NFAM1: variants seen among roughly 807,000 people sequenced by gnomAD.
NFAM1 encodes NFAT activating protein with ITAM motif 1.
In NFAM1, 17 loss-of-function variants were observed where a neutral mutation model predicts 29.0. The observed-to-expected ratio is 0.59, with a 90% CI of 0.40 to 0.88. NFAM1 has a LOEUF of 0.88. Among genes scored for constraint, NFAM1 ranks in the 40% least tolerant of loss-of-function variants. The probability of loss-of-function intolerance (pLI) is 0.00; values close to 1 mark genes in which losing one functional copy is unlikely to be tolerated. For missense variants in NFAM1, 324 were observed against 344.6 expected (o/e 0.94, Z 0.47); for synonymous variants, 175 against 147.2 (o/e 1.19, Z -1.36).
intron 1 of NFAM1, among the ~76,000 whole-genome samples, chr22:42,412,776 G>T (rs754848041): frequency 3.9e-5 from 6 of 152,144 alleles, no homozygotes; most frequent in Non-Finnish European, 8.8e-5. Context: ...GATTTGTCAG[G>T]TTTTTTACAG....
chr22:42,424,939 T>C (rs1165058206), intron 1 of NFAM1, among the ~76,000 whole-genome samples: 1 of 151,794 alleles, frequency 6.6e-6, no homozygotes, highest in African/African-American at 2.4e-5. Context: ...ATTTATTTTC[T>C]GAGATGGAGT....
At chr22:42,387,429 G>C (rs1171655484) in intron 4 of NFAM1, among the ~76,000 whole-genome samples, 5 of 151,852 alleles carry the variant, frequency 3.3e-5, no homozygotes, top group African/African-American at 2.4e-5. Context: ...GCTCTTAAGG[G>C]CTTGGCAGCC....
intron 3 of NFAM1, among the ~76,000 whole-genome samples, chr22:42,403,971 TG>T (rs1388725011): frequency 6.6e-6 from 1 of 152,146 alleles, no homozygotes; most frequent in African/African-American, 2.4e-5. Context: ...AAGGAGGGCC[TG>T]GGAAGCCTCT....
intron 4 of NFAM1, among the ~76,000 whole-genome samples, chr22:42,394,796 C>G (rs1390049517): frequency 1.3e-5 from 2 of 152,126 alleles, no homozygotes; most frequent in Admixed American, 1.3e-4. Flanking sequence ...AGGCCTCAGG[C>G]AGTGCAATAA....
chr22:42,402,519 AG>A (rs1929756824), intron 3 of NFAM1, among the ~76,000 whole-genome samples: 1 of 152,144 alleles, frequency 6.6e-6, no homozygotes, highest in Non-Finnish European at 1.5e-5. Context: ...GGTCACCAAG[AG>A]GGGGGTGACC....
chr22:42,387,754 C>G lies in NFAM1; in HGVS notation c.664-676G>C, dbSNP rs774533171. ...CCCTCAGCCACCCCTCCTGGGCCACCTGGGCTGCTGTCATCACCCATATGC... is the reference window on the plus strand; with the variant it reads ...CCCTCAGCCACCCCTCCTGGGCCACGTGGGCTGCTGTCATCACCCATATGC... On this transcript the variant is annotated intron_variant, in intron 4 of 5. Coordinates refer to ENST00000329021, the MANE Select transcript of NFAM1 (RefSeq NM_145912.8). Among the ~76,000 whole-genome samples, 7 of 152,242 alleles carry G rather than the reference C, an allele frequency of 4.6e-5. No homozygotes were observed. The South Asian group carries it at 6.2e-4, about 14-fold the overall frequency.
chr22:42,425,516 T>C (rs1270242433), intron 1 of NFAM1, among the ~76,000 whole-genome samples: 1 of 151,874 alleles, frequency 6.6e-6, no homozygotes, highest in African/African-American at 2.4e-5. Flanking sequence ...TGTCCTCCCC[T>C]CCTTACCCTT....
intron 1 of NFAM1, among the ~76,000 whole-genome samples, chr22:42,422,841 G>A (rs924831856): frequency 2.0e-5 from 3 of 151,790 alleles, no homozygotes; most frequent in Non-Finnish European, 4.4e-5. Flanking sequence ...CAGGCTGGGC[G>A]TGGTGGCTCA....
chr22:42,381,314 G>C lies in NFAM1; in HGVS notation c.*3847C>G, dbSNP rs1163145402. On this transcript the variant is annotated 3_prime_UTR_variant, in exon 6 of 6. Transcript: ENST00000329021. ...TGATTTTCTCAAGCAAGTGCTGACAGAGCAGGAGTCAAGCGGGGGTGGGGT... is the reference window on the plus strand; with the variant it reads ...TGATTTTCTCAAGCAAGTGCTGACACAGCAGGAGTCAAGCGGGGGTGGGGT... 6.5e-6 allele frequency: 1 copy of C among 153,184 alleles called. No individual in the cohort carries two copies. Among genetic ancestry groups the C allele is most frequent in the Non-Finnish European group, 1.5e-5 (1 of 68,176 alleles). The allele number at this position is 153,184 out of a possible 1,614,324, so 9.5% of individuals were successfully genotyped here. A position where few individuals can be genotyped will look rare whatever the true frequency, so the allele number is the denominator to read the frequency against.
At chr22:42,434,525 ACCTT>A (rs1930894504), upstream of NFAM1, among the ~76,000 whole-genome samples, 1 of 152,154 alleles carries the variant, frequency 6.6e-6, no homozygotes, top group Admixed American at 6.5e-5. Flanking sequence ...GCAGGGACGC[ACCTT>A]GGCAAGGAGC....
intron 1 of NFAM1, among the ~76,000 whole-genome samples, chr22:42,423,178 G>A (rs1447253043): frequency 6.7e-6 from 1 of 150,218 alleles, no homozygotes; most frequent in Non-Finnish European, 1.5e-5. Flanking sequence ...TCCTTCAGCA[G>A]GGAGTGTTTG....
rs73173004 is a variant in NFAM1 at position 42,388,938 on chromosome 22, C to T, written c.664-1860G>A. Among the ~76,000 whole-genome samples the T allele has an allele frequency of 0.027, 4,076 of 152,236 alleles. 79 individuals are homozygous for T. The highest frequency in any genetic ancestry group is 0.036 in the Non-Finnish European group (2,443 of 68,012). ...GTCCTGCCCTGCCTTGTGCGGCCTT[C>T]GTGCCTGTCCGGAGCACCAGCCACC... is the stretch of plus-strand genomic sequence containing the variant. On this transcript the variant is annotated intron_variant, in intron 4 of 5. Transcript: ENST00000329021. This position sits in a 1 kb window ranked among gnomAD's most constrained non-coding sequence, Gnocchi z 4.1.
chr22:42,433,978 G>A (rs977215185), upstream of NFAM1, among the ~76,000 whole-genome samples: 32 of 152,168 alleles, frequency 2.1e-4, no homozygotes, highest in African/African-American at 7.2e-4. Flanking sequence ...GGCACTGGGA[G>A]GCAGCTGAAT....
In NFAM1 at chr22:42,407,027, G is replaced by C. The variant is rs982915896; in HGVS notation, c.564+2408C>G. 2.0e-5 allele frequency among the ~76,000 whole-genome samples: 3 copies of C among 151,684 alleles called. No individual in the cohort carries two copies. The South Asian group carries it at 6.3e-4, about 32-fold the overall frequency. ...CCTGACCTTGTGATCTGCCTGCCTC[G>C]GCCTCCCAAAGTGCTGGGATTACAG... On this transcript the variant is annotated intron_variant, in intron 3 of 5. Transcript: ENST00000329021.
At chr22:42,433,235 G>T (rs1930862818), upstream of NFAM1, among the ~76,000 whole-genome samples, 2 of 152,226 alleles carry the variant, frequency 1.3e-5, no homozygotes, top group Admixed American at 1.3e-4. Context: ...GCAGAGGAAA[G>T]GGGCTGGGGT....
At position 42,424,911 on chromosome 22, in the gene NFAM1, GTATTTATT is replaced by G. The variant is rs67558344; in HGVS notation, c.121+7318_121+7325del. 3.4e-5 allele frequency among the ~76,000 whole-genome samples: 5 copies of G among 147,804 alleles called. No homozygotes were observed. In the South Asian group the frequency reaches 8.8e-4, roughly 26 times the overall value. On this transcript the variant is annotated intron_variant, in intron 1 of 5. Transcript: ENST00000329021. The stretch of plus-strand genomic sequence containing the variant: ...TTCTTTCCTTTCTTTCTTTCTTTTC[GTATTTATT>G]TATTTATTTATTTATTTTCTGAGAT...
chr22:42,410,781 A>G (rs1479753654), intron 2 of NFAM1, among the ~76,000 whole-genome samples: 1 of 152,112 alleles, frequency 6.6e-6, no homozygotes, highest in African/African-American at 2.4e-5. Flanking sequence ...GCACATACCT[A>G]GTTCTGCAGA....
chr22:42,390,232 C>T (rs557548581), intron 4 of NFAM1, among the ~76,000 whole-genome samples: 41 of 152,144 alleles, frequency 2.7e-4, no homozygotes, highest in African/African-American at 9.9e-4. Context: ...ACTGAGTGTC[C>T]CCACTTCCCT....
At chr22:42,410,747 C>T (rs1410917831) in intron 2 of NFAM1, among the ~76,000 whole-genome samples, 1 of 152,076 alleles carries the variant, frequency 6.6e-6, no homozygotes, top group Non-Finnish European at 1.5e-5. Flanking sequence ...CTCACATACA[C>T]GAGGCCCCCA....
Sources: allele counts gnomAD v4.1 joint callset (sites outside exome capture counted in the v4.1 genomes callset), GRCh38; gene constraint gnomAD v4.1.1; non-coding constraint Gnocchi (gnomAD v3.1); transcripts MANE v1.5; gene names NCBI Gene and HGNC (gene_info 2026-07-23, HGNC 2026-07-21).